Variants in PHACTR3 observed in about 807,000 individuals in gnomAD.
The protein encoded by PHACTR3 is phosphatase and actin regulator 3.
In PHACTR3, 16 loss-of-function variants were observed where a neutral mutation model predicts 66.8. That is an observed-to-expected ratio of 0.24 (90% CI 0.16 to 0.36). The LOEUF is 0.36. PHACTR3 is among the 10% of genes least tolerant of loss of function. The probability of loss-of-function intolerance (pLI) is 1.00; values close to 1 mark genes in which losing one functional copy is unlikely to be tolerated. For synonymous variants in PHACTR3, 323 were observed against 292.1 expected (o/e 1.11, Z -1.08); for missense variants, 647 against 719.9 (o/e 0.90, Z 1.16).
rs2146918928 is a variant in PHACTR3 at position 59,780,151 on chromosome 20, C to T, written c.1174+5661C>T. 2.6e-5 allele frequency among the ~76,000 whole-genome samples: 4 copies of T among 152,272 alleles called. No homozygotes were observed. In the South Asian group the frequency reaches 8.3e-4, roughly 32 times the overall value. On this transcript the variant is annotated intron_variant, in intron 7 of 12. Transcript: ENST00000371015. ...CCTACTGATGGAAGGAAGCTGACTT[C>T]TCCAGAGCCCCCCAGCTGCCTGTGC... is the stretch of plus-strand genomic sequence containing the variant.
intron 7 of PHACTR3, among the ~76,000 whole-genome samples, chr20:59,779,180 C>T (rs2040639671): frequency 1.3e-5 from 2 of 152,142 alleles, no homozygotes; most frequent in South Asian, 4.1e-4. Context: ...GTGTGCTGGT[C>T]CCAGGGTATA....
chr20:59,777,707 A>G (rs1181984369), intron 7 of PHACTR3, among the ~76,000 whole-genome samples: 1 of 152,028 alleles, frequency 6.6e-6, no homozygotes, highest in Non-Finnish European at 1.5e-5. Flanking sequence ...TTGACTGTCT[A>G]ATTTTGTCTG....
chr20:59,816,621 A>G (rs2041894609), intron 8 of PHACTR3, among the ~76,000 whole-genome samples: 1 of 152,230 alleles, frequency 6.6e-6, no homozygotes, highest in South Asian at 2.1e-4. Context: ...TAGGCAGTAG[A>G]CTTTCCTTTA....
chr20:59,716,264 T>G (rs924641044), intron 1 of PHACTR3, among the ~76,000 whole-genome samples: 2 of 144,248 alleles, frequency 1.4e-5, no homozygotes, highest in Middle Eastern at 3.6e-3. Flanking sequence ...GTGTGTGTGT[T>G]GTGACAGAGT....
chr20:59,605,084 C>T lies in PHACTR3; in HGVS notation c.70C>T (p.Leu24Phe). 7.1e-7 allele frequency: 1 copy of T among 1,416,866 alleles called. No homozygotes were observed. Among genetic ancestry groups the T allele is most frequent in the Non-Finnish European group, 9.3e-7 (1 of 1,079,314 alleles). 87.8% of individuals were successfully genotyped at this position (1,416,866 alleles called of 1,614,324 possible). The change falls in exon 1 of 13, where the codon CTC becomes TTC. Residue 24 changes from leucine to phenylalanine, a missense_variant. Physicochemically the swap from Leu to Phe is conservative, Grantham distance 22. Around this residue, in one of 2 missense-constraint regions of PHACTR3, gnomAD observed 577 missense variants for 571.1 expected, o/e 1.01. Transcript: ENST00000371015. ...RGRSQSDPSVLTDSSATSSAD... is the reference protein window; with the variant it reads ...RGRSQSDPSVFTDSSATSSAD... Reference sequence around the variant, plus strand: ...CCGCTCGCAGAGTGACCCCAGCGTCCTCACCGACTCCTCGGCCACCTCCTC... The same window carrying T: ...CCGCTCGCAGAGTGACCCCAGCGTCTTCACCGACTCCTCGGCCACCTCCTC...
At chr20:59,824,563 G>T (rs751986557) in intron 8 of PHACTR3, among the ~76,000 whole-genome samples, 2 of 152,206 alleles carry the variant, frequency 1.3e-5, no homozygotes, top group East Asian at 1.9e-4. Flanking sequence ...GTTGAACACA[G>T]GTCCTTTAGG....
At position 59,680,070 on chromosome 20, in the gene PHACTR3, CTT is replaced by C. The variant is rs1460543112; in HGVS notation, c.119-63036_119-63035del. Among the ~76,000 whole-genome samples, 7 of 152,218 alleles carry C rather than the reference CTT, an allele frequency of 4.6e-5. No individual in the cohort carries two copies. The East Asian group carries it at 1.4e-3, about 29-fold the overall frequency. Reference sequence around the variant, plus strand: ...ACTCCCTCCTCCCTGGCTTCCCTCTCTTCTGCTCTCCCTCCCTCCTTCCTTCT... The same window carrying C: ...ACTCCCTCCTCCCTGGCTTCCCTCTCCTGCTCTCCCTCCCTCCTTCCTTCT... On this transcript the variant is annotated intron_variant, in intron 1 of 12. Coordinates refer to ENST00000371015, the MANE Select transcript of PHACTR3 (RefSeq NM_080672.5).
intron 5 of PHACTR3, among the ~76,000 whole-genome samples, chr20:59,770,160 G>A (rs963476420): frequency 6.6e-6 from 1 of 152,162 alleles, no homozygotes; most frequent in East Asian, 1.9e-4. Flanking sequence ...CCCAGTCTGC[G>A]GACACTTCTG....
At chr20:59,582,085 G>T (rs2032878687) in intron 1 of PHACTR3, among the ~76,000 whole-genome samples, 1 of 152,114 alleles carries the variant, frequency 6.6e-6, no homozygotes, top group Non-Finnish European at 1.5e-5. Context: ...TGCAAATAAG[G>T]CTCAAATCCC....
In PHACTR3 at chr20:59,707,403, T is replaced by C. The variant is rs563751861; in HGVS notation, c.119-35704T>C. ...CCCATGGTGATGAGTTCCTGACAGCTGGTAGCTAAAGAGTCTGGGGCCTCC... is the reference window on the plus strand; with the variant it reads ...CCCATGGTGATGAGTTCCTGACAGCCGGTAGCTAAAGAGTCTGGGGCCTCC... On this transcript the variant is annotated intron_variant, in intron 1 of 12. Transcript: ENST00000371015. 5.3e-5 allele frequency among the ~76,000 whole-genome samples: 8 copies of C among 151,716 alleles called. No individual in the cohort carries two copies. In the South Asian group the frequency reaches 1.7e-3, roughly 32 times the overall value.
At chr20:59,582,778 A>C (rs563072632) in intron 1 of PHACTR3, among the ~76,000 whole-genome samples, 1 of 151,576 alleles carries the variant, frequency 6.6e-6, no homozygotes, top group Non-Finnish European at 1.5e-5. Context: ...TGTGTTTCCG[A>C]GTGGTTTGTG....
At chr20:59,713,257 G>A (rs16983052) in intron 1 of PHACTR3, among the ~76,000 whole-genome samples, 5 of 152,330 alleles carry the variant, frequency 3.3e-5, no homozygotes, top group African/African-American at 9.6e-5. Context: ...CACTTAAGTC[G>A]ATTCCTGGAC....
intron 1 of PHACTR3, among the ~76,000 whole-genome samples, chr20:59,583,582 G>C (rs561539072): frequency 6.6e-6 from 1 of 152,250 alleles, no homozygotes; most frequent in African/African-American, 2.4e-5. Context: ...AAGCAGCCTC[G>C]GACTGACTCC....
intron 1 of PHACTR3, among the ~76,000 whole-genome samples, chr20:59,700,320 G>C (rs953765985): frequency 6.6e-6 from 1 of 151,968 alleles, no homozygotes. Flanking sequence ...CGATGAATCA[G>C]TGCTACCTCG....
At chr20:59,619,999 C>T (rs550646376) in intron 1 of PHACTR3, among the ~76,000 whole-genome samples, 2 of 152,126 alleles carry the variant, frequency 1.3e-5, no homozygotes, top group African/African-American at 4.8e-5. Context: ...ACTGTTTTCA[C>T]CCTCCCTGTT....
At chr20:59,698,688 G>A (rs1467072859) in intron 1 of PHACTR3, among the ~76,000 whole-genome samples, 1 of 152,170 alleles carries the variant, frequency 6.6e-6, no homozygotes, top group Non-Finnish European at 1.5e-5. Flanking sequence ...TAAGGTCAAG[G>A]TATGATTTGA....
intron 1 of PHACTR3, among the ~76,000 whole-genome samples, chr20:59,723,952 A>G (rs2038453495): frequency 6.6e-6 from 1 of 152,046 alleles, no homozygotes; most frequent in African/African-American, 2.4e-5. Flanking sequence ...GACTCCTTCC[A>G]TGTTGGCTGC....
intron 1 of PHACTR3, among the ~76,000 whole-genome samples, chr20:59,711,830 T>G (rs1194328378): frequency 6.6e-6 from 1 of 152,222 alleles, no homozygotes; most frequent in Non-Finnish European, 1.5e-5. Context: ...TTGGGGTAAC[T>G]TGTAGAGTTT....
At chr20:59,630,797 A>T (rs1301107833) in intron 1 of PHACTR3, among the ~76,000 whole-genome samples, 1 of 151,726 alleles carries the variant, frequency 6.6e-6, no homozygotes, top group Non-Finnish European at 1.5e-5. Flanking sequence ...GTACTGTCGA[A>T]GTGGGGAGGG....
Sources: gnomAD v4.1 joint callset for allele counts (sites outside exome capture counted in the v4.1 genomes callset) on GRCh38, gnomAD v4.1.1 for gene constraint, gnomAD v4.1.1 regional missense constraint, MANE v1.5 for transcripts, NCBI Gene and HGNC (gene_info 2026-07-23, HGNC 2026-07-21) for gene names.